MLLT6: variants seen among roughly 807,000 people sequenced by gnomAD.
The protein encoded by MLLT6 is MLLT6, PHD finger containing.
A neutral mutation model predicts 103.0 loss-of-function variants in MLLT6; 22 were observed. The observed-to-expected ratio is 0.21, with a 90% CI of 0.15 to 0.31. The LOEUF is 0.31. Ranked by LOEUF, MLLT6 falls within the 10% of genes least tolerant of loss-of-function variation. The probability of loss-of-function intolerance (pLI) is 1.00; values close to 1 mark genes in which losing one functional copy is unlikely to be tolerated. For synonymous variants in MLLT6, 606 were observed against 623.5 expected (o/e 0.97, Z 0.42); for missense variants, 1,199 against 1,441.7 (o/e 0.83, Z 2.73).
rs992894538 is a variant in MLLT6, at chr17:38,705,483, A to C, written c.-150A>C. Reference sequence around the variant, plus strand: ...AGGAGGAGGACGCGGAGGAGGAGGAAGGAGGAGGCAAAGAAAAGAAGCGGC... The same window carrying C: ...AGGAGGAGGACGCGGAGGAGGAGGACGGAGGAGGCAAAGAAAAGAAGCGGC... On this transcript the variant is annotated 5_prime_UTR_variant, in exon 1 of 20. Transcript: ENST00000621332. 1.5e-5 allele frequency: 7 copies of C among 452,440 alleles called. No individual in the cohort carries two copies. The highest frequency in any genetic ancestry group is 6.4e-5 in the African/African-American group (3 of 46,900). The allele number at this position is 452,440 out of a possible 1,614,324, so 28.0% of individuals were successfully genotyped here.
Position 38,711,870 on chromosome 17 carries a change from GGGAGGCGGAGGAGGCGCT to G in MLLT6, c.582_599del (p.Ala198_Gly203del). The stretch of plus-strand genomic sequence containing the variant: ...AGAAGACATCCCGGCACAGCAGCGG[GGGAGGCGGAGGAGGCGCT>G]GGAGGAGGAGGTGGCAGCATGGGGG... On this transcript the variant is annotated inframe_deletion, in exon 7 of 20. Transcript: ENST00000621332. 1 of 1,587,934 alleles carries G rather than the reference GGGAGGCGGAGGAGGCGCT, an allele frequency of 6.3e-7. No individual in the cohort carries two copies. The highest frequency in any genetic ancestry group is 1.3e-5 in the African/African-American group (1 of 74,208).
chr17:38,712,877 G>T, intron 8 of MLLT6, 88 bp downstream of exon 8: 1 of 923,286 alleles, frequency 1.1e-6, no homozygotes, highest in Non-Finnish European at 1.8e-6. Context: ...GTGAGTCAGG[G>T]ACCTGGGCAC....
intron 16 of MLLT6, among the ~76,000 whole-genome samples, chr17:38,721,502 C>CTGTA (rs1368817939): frequency 6.6e-6 from 1 of 152,198 alleles, no homozygotes; most frequent in Non-Finnish European, 1.5e-5. Flanking sequence ...TTCACTTTAG[C>CTGTA]TGTAGTGCTT....
rs1905585873 is a variant in MLLT6 at position 38,719,772 on chromosome 17, G to A, written c.2032G>A (p.Ala678Thr). 1.2e-6 allele frequency: 2 copies of A among 1,613,074 alleles called. No individual in the cohort carries two copies. The highest frequency in any genetic ancestry group is 1.7e-6 in the Non-Finnish European group (2 of 1,179,694). Reference protein sequence around the residue: ...SSMSPISSLPALFDQTASAPC... With the variant: ...SSMSPISSLPTLFDQTASAPC... ...CAGGTCCCCCATCAGCAGCCTCCCCGCACTCTTCGACCAGACAGCCTCTGC... is the reference window on the plus strand; with the variant it reads ...CAGGTCCCCCATCAGCAGCCTCCCCACACTCTTCGACCAGACAGCCTCTGC... The change falls in exon 14 of 20, where the codon GCA becomes ACA. Residue 678 changes from alanine (A) to threonine (T), a missense_variant. Ala to Thr is a moderately conservative substitution (Grantham distance 58). Transcript: ENST00000621332.
Position 38,712,006 on chromosome 17 carries a change from CAGA to C in MLLT6, c.718_720del (p.Lys240del). ...GCACCCCACCCACCACGAGAGGGGCCAGAAGAAGGTAGAAGTCCTCCCCCACCT... is the reference window on the plus strand; with the variant it reads ...GCACCCCACCCACCACGAGAGGGGCCAGAAGGTAGAAGTCCTCCCCCACCT... On this transcript the variant is annotated inframe_deletion, in exon 7 of 20. Coordinates refer to ENST00000621332, the MANE Select transcript of MLLT6 (RefSeq NM_005937.4). The C allele has an allele frequency of 1.3e-6, 2 of 1,579,810 alleles. No individual in the cohort carries two copies. The highest frequency in any genetic ancestry group is 1.7e-6 in the Non-Finnish European group (2 of 1,161,640).
rs557266366 is a variant in MLLT6, at chr17:38,706,555, G to A, written c.110-395G>A. ...TACTTCTCCGCCTCGTCCCTCACTG[G>A]CCCTTTAAGAAATCCCCCCGCCCAC... On this transcript the variant is annotated intron_variant, in intron 1 of 19. Coordinates refer to ENST00000621332, the MANE Select transcript of MLLT6 (RefSeq NM_005937.4). 4.1e-5 allele frequency: 7 copies of A among 171,208 alleles called. No homozygotes were observed. The South Asian group carries it at 1.3e-3, about 33-fold the overall frequency. The allele number at this position is 171,208 out of a possible 1,614,324, so 10.6% of individuals were successfully genotyped here.
rs568050362 is a variant in MLLT6 at position 38,709,109 on chromosome 17, C to T, written c.355-64C>T. 145 of 1,220,356 alleles carry T rather than the reference C, an allele frequency of 1.2e-4. No homozygotes were observed. The East Asian group carries it at 3.3e-3, about 28-fold the overall frequency. 75.6% of individuals were successfully genotyped at this position (1,220,356 alleles called of 1,614,324 possible). ...AGAGCAAATGGAATGGAGGGGGTGG[C>T]CTAAGGACCATCAGTAGAACAGGGG... On this transcript the variant is annotated intron_variant, in intron 4 of 19. Transcript: ENST00000621332. The surrounding 1 kb of genome is among the most constrained non-coding windows in gnomAD (Gnocchi z 4.3).
chr17:38,717,921 C>A lies in MLLT6; in HGVS notation c.1910C>A (p.Pro637His). 6.2e-7 allele frequency: 1 copy of A among 1,613,450 alleles called. No individual in the cohort carries two copies. Among genetic ancestry groups the A allele is most frequent in the Non-Finnish European group, 8.5e-7 (1 of 1,179,388 alleles). Residue 637 changes from proline to histidine, a missense_variant, in exon 12 of 20, where the codon CCC (proline) becomes CAC (histidine). Physicochemically the swap from Pro to His is moderately conservative, Grantham distance 77 (BLOSUM62 -2). This residue lies in a region of MLLT6 where 1,034 missense variants were observed against 1,091.5 expected (regional missense o/e 0.95). Transcript: ENST00000621332. Reference protein sequence around the residue: ...IFGTPMGAVNPLLSQAESSHT... With the variant: ...IFGTPMGAVNHLLSQAESSHT... ...GGAACCCCCATGGGTGCCGTTAATC[C>A]CCTCCTCTCCCAAGCTGAGAGCAGC...
chr17:38,729,038 T>C lies in MLLT6; in HGVS notation c.*3440T>C, dbSNP rs1027632605. The C allele has an allele frequency of 2.1e-5, 5 of 233,494 alleles. No individual in the cohort carries two copies. Among genetic ancestry groups the C allele is most frequent in the Non-Finnish European group, 4.2e-5 (5 of 118,054 alleles). The allele number at this position is 233,494 out of a possible 1,614,324, so 14.5% of individuals were successfully genotyped here. A position where few individuals can be genotyped will look rare whatever the true frequency, so the allele number is the denominator to read the frequency against. ...CCCATACTGAGTTCTAGGGAGGTGC[T>C]CACCCCAGACTCTTAGGAAGGGTCT... On this transcript the variant is annotated 3_prime_UTR_variant, in exon 20 of 20. Coordinates refer to ENST00000621332, the MANE Select transcript of MLLT6 (RefSeq NM_005937.4).
At chr17:38,707,661 TG>T (rs1904988844) in intron 3 of MLLT6, 101 bp from the exon 4 acceptor site, 3 of 1,265,406 alleles carry the variant, frequency 2.4e-6, no homozygotes, top group Non-Finnish European at 3.4e-6. Context: ...TGGAATCTGA[TG>T]GGAAGGCTGT....
At position 38,711,806 on chromosome 17, in the gene MLLT6, T is replaced by A. The variant is rs72836946; in HGVS notation, c.553-41T>A. 9.8e-3 allele frequency: 14,483 copies of A among 1,474,584 alleles called. 98 individuals are homozygous for A. Among genetic ancestry groups the A allele is most frequent in the Non-Finnish European group, 0.012 (13,569 of 1,107,284 alleles). 91.3% of individuals were successfully genotyped at this position (1,474,584 alleles called of 1,614,324 possible). ...CTTCTGGAAGCGTTCCCTAAGCCCGTGAGAAGAGGGTTTGCAATTTCTCTC... is the reference window on the plus strand; with the variant it reads ...CTTCTGGAAGCGTTCCCTAAGCCCGAGAGAAGAGGGTTTGCAATTTCTCTC... On this transcript the variant is annotated intron_variant, in intron 6 of 19. Transcript: ENST00000621332.
rs774316769 is a variant in MLLT6, at chr17:38,715,779, T to TTCTTCCTCCTCC, written c.1003_1014dup (p.Ser335_Ser338dup). ...TGAGCAGTTTTACCTCCGCCTCCTCTTCTTCCTCCTCCTCTTCCTCCTCCT... is the reference window on the plus strand; with the variant it reads ...TGAGCAGTTTTACCTCCGCCTCCTCTTCTTCCTCCTCCTCTTCCTCCTCCTCTTCCTCCTCCT... On this transcript the variant is annotated inframe_insertion, in exon 9 of 20. Transcript: ENST00000621332. The TTCTTCCTCCTCC allele has an allele frequency of 7.4e-6, 12 of 1,611,746 alleles. No homozygotes were observed. The highest frequency in any genetic ancestry group is 1.3e-5 in the African/African-American group (1 of 74,882).
intron 6 of MLLT6, among the ~76,000 whole-genome samples, chr17:38,711,242 C>T (rs1449035678): frequency 6.6e-6 from 1 of 152,100 alleles, no homozygotes; most frequent in Non-Finnish European, 1.5e-5. Flanking sequence ...CAGGCCCTGG[C>T]TGGGAGGAGA....
intron 18 of MLLT6, 79 bp downstream of exon 18, chr17:38,722,847 A>G: frequency 9.5e-7 from 1 of 1,047,192 alleles, no homozygotes; most frequent in South Asian, 1.4e-5. Context: ...AGGGCCAGCC[A>G]GGAGAGGGCA....
intron 2 of MLLT6, 61 bp from the exon 3 acceptor site, chr17:38,707,425 G>A: frequency 2.2e-5 from 34 of 1,530,478 alleles, no homozygotes; most frequent in South Asian, 3.4e-5. Context: ...CCCCTTGAAC[G>A]TGTTCAGGGA....
Position 38,709,094 on chromosome 17 carries a change from G to C in MLLT6, c.355-79G>C. On this transcript the variant is annotated intron_variant, in intron 4 of 19. Transcript: ENST00000621332. The surrounding 1 kb of genome is among the most constrained non-coding windows in gnomAD (Gnocchi z 4.3). Reference sequence around the variant, plus strand: ...GATCTAAGACTGTAGAGAGCAAATGGAATGGAGGGGGTGGCCTAAGGACCA... The same window carrying C: ...GATCTAAGACTGTAGAGAGCAAATGCAATGGAGGGGGTGGCCTAAGGACCA... 9.7e-7 allele frequency: 1 copy of C among 1,026,510 alleles called. No individual in the cohort carries two copies. The highest frequency in any genetic ancestry group is 1.5e-6 in the Non-Finnish European group (1 of 676,702). 63.6% of individuals were successfully genotyped at this position (1,026,510 alleles called of 1,614,324 possible).
intron 8 of MLLT6, among the ~76,000 whole-genome samples, chr17:38,715,041 AT>A (rs969432445): frequency 3.3e-5 from 5 of 152,240 alleles, no homozygotes; most frequent in African/African-American, 1.2e-4. Flanking sequence ...AGGATGAGAG[AT>A]TTCCCAGGAA....
chr17:38,723,576 C>CT, intron 18 of MLLT6, among the ~76,000 whole-genome samples: 1 of 152,200 alleles, frequency 6.6e-6, no homozygotes, highest in East Asian at 1.9e-4. Flanking sequence ...ATTCAGCTGG[C>CT]TGCCTGTAGG....
chr17:38,725,483 T>C, intron 19 of MLLT6, 74 bp from the exon 20 acceptor site: 1 of 1,390,040 alleles, frequency 7.2e-7, no homozygotes, highest in East Asian at 2.4e-5. Flanking sequence ...TTTCTTGGCC[T>C]AGGAAGCTGT....
Sources: allele counts gnomAD v4.1 joint callset (sites outside exome capture counted in the v4.1 genomes callset), GRCh38; gene constraint gnomAD v4.1.1; regional missense constraint gnomAD v4.1.1; non-coding constraint Gnocchi (gnomAD v3.1); transcripts MANE v1.5; gene names NCBI Gene and HGNC (gene_info 2026-07-23, HGNC 2026-07-21).